PRKG1: variants seen among roughly 807,000 people sequenced by gnomAD.
PRKG1 encodes the protein cGMP-dependent protein kinase 1.
A neutral mutation model predicts 88.1 loss-of-function variants in PRKG1; 35 were observed. The ratio of observed to expected loss-of-function variants is 0.40; its 90% confidence interval spans 0.30 to 0.53. The LOEUF is 0.53. PRKG1 is among the 20% of genes least tolerant of loss of function. The probability of loss-of-function intolerance (pLI) is 0.59; values close to 1 mark genes in which losing one functional copy is unlikely to be tolerated. For synonymous variants in PRKG1, 303 were observed against 292.5 expected (o/e 1.04, Z -0.37); for missense variants, 540 against 839.8 (o/e 0.64, Z 4.41).
chr10:51,916,948 A>T (rs893747146), intron 5 of PRKG1, among the ~76,000 whole-genome samples: 5 of 152,206 alleles, frequency 3.3e-5, no homozygotes, highest in African/African-American at 1.2e-4. Context: ...CATTTACATG[A>T]AGTATATAAA....
chr10:51,079,678 T>TG (rs1844055867), intron 1 of PRKG1, among the ~76,000 whole-genome samples: 1 of 76,440 alleles, frequency 1.3e-5, no homozygotes, highest in South Asian at 5.5e-4. Context: ...CTAAGGCTCA[T>TG]TTGTGTGTGT....
chr10:51,051,249 G>C lies in PRKG1; in HGVS notation c.266+59605G>C, dbSNP rs545717567. On this transcript the variant is annotated intron_variant, in intron 1 of 17. Transcript: ENST00000401604. The stretch of plus-strand genomic sequence containing the variant: ...AAATCATTGCCAAGGCCAATGTTAA[G>C]AAGATTTTCCCCTATGCTTTCTTCT... 5.3e-5 allele frequency among the ~76,000 whole-genome samples: 8 copies of C among 152,204 alleles called. No homozygotes were observed. In the South Asian group the frequency reaches 1.5e-3, roughly 28 times the overall value.
chr10:51,944,742 A>T, intron 5 of PRKG1, among the ~76,000 whole-genome samples: 1 of 152,008 alleles, frequency 6.6e-6, no homozygotes, highest in East Asian at 1.9e-4. Flanking sequence ...CAGGTTGTTC[A>T]GTTTCCATGT....
At position 51,929,130 on chromosome 10, in the gene PRKG1, C is replaced by T. The variant is rs191405494; in HGVS notation, c.762+21560C>T. Among the ~76,000 whole-genome samples, 201 of 152,172 alleles carry T rather than the reference C, an allele frequency of 1.3e-3. 1 individual carries two copies. Among genetic ancestry groups the T allele is most frequent in the Admixed American group, 0.011 (165 of 15,274 alleles). On this transcript the variant is annotated intron_variant, in intron 5 of 17. Transcript: ENST00000373980. Reference sequence around the variant, plus strand: ...ATTAACTTGCCATTTTACTTATCTACGTTTTTGTTAATCAAATAGGACTCA... The same window carrying T: ...ATTAACTTGCCATTTTACTTATCTATGTTTTTGTTAATCAAATAGGACTCA...
At chr10:51,903,605 G>A (rs1589406487) in intron 4 of PRKG1, among the ~76,000 whole-genome samples, 1 of 151,992 alleles carries the variant, frequency 6.6e-6, no homozygotes, top group South Asian at 2.1e-4. Context: ...GGGGATAGAG[G>A]CAATCTTTAT....
chr10:52,125,145 G>T (rs1279146466), intron 7 of PRKG1, among the ~76,000 whole-genome samples: 4 of 151,934 alleles, frequency 2.6e-5, no homozygotes, highest in African/African-American at 9.7e-5. Flanking sequence ...ACTATGCAAG[G>T]TACATAATCA....
intron 2 of PRKG1, among the ~76,000 whole-genome samples, chr10:51,216,835 G>C (rs114270912): frequency 0.027 from 4,111 of 152,142 alleles, 198 homozygotes; most frequent in African/African-American, 0.094. Flanking sequence ...AGTATATTTG[G>C]TAGTAAATTG....
chr10:51,547,270 T>C (rs1346757759), intron 3 of PRKG1, among the ~76,000 whole-genome samples: 2 of 152,142 alleles, frequency 1.3e-5, no homozygotes, highest in East Asian at 3.9e-4. Context: ...AGAACTTTCA[T>C]TGATCCTATA....
At chr10:52,121,931 AG>A (rs34501351) in intron 7 of PRKG1, among the ~76,000 whole-genome samples, 25,559 of 152,120 alleles carry the variant, frequency 0.17, 2,566 homozygotes, top group South Asian at 0.28. Flanking sequence ...TCCATTCCAA[AG>A]CTACTTCCAC....
chr10:51,504,917 AC>A (rs766424978), intron 3 of PRKG1, among the ~76,000 whole-genome samples: 5 of 152,156 alleles, frequency 3.3e-5, no homozygotes, highest in Non-Finnish European at 7.3e-5. Context: ...TCATCTGCAA[AC>A]AGGGACAATT....
chr10:52,033,920 G>T (rs1346169341), intron 5 of PRKG1, among the ~76,000 whole-genome samples: 3 of 151,554 alleles, frequency 2.0e-5, no homozygotes, highest in South Asian at 2.1e-4. Context: ...GAAAATTACA[G>T]TCAAAGGGGG....
chr10:51,272,897 T>C (rs1002416200), intron 2 of PRKG1, among the ~76,000 whole-genome samples: 1 of 152,158 alleles, frequency 6.6e-6, no homozygotes, highest in African/African-American at 2.4e-5. Context: ...ACTGCAATAA[T>C]ATAATAATAC....
At position 51,152,191 on chromosome 10, in the gene PRKG1, A is replaced by G. The variant is rs185355550; in HGVS notation, c.312-973A>G. ...CTTATCCCAGCAAATAAATATCCCA[A>G]TGTTTTAAGTTCTGCTAAAACTTTC... On this transcript the variant is annotated intron_variant, in intron 1 of 17. Coordinates refer to ENST00000373980, the MANE Select transcript of PRKG1 (RefSeq NM_006258.4). Among the ~76,000 whole-genome samples, 14 of 152,172 alleles carry G rather than the reference A, an allele frequency of 9.2e-5. No homozygotes were observed. The East Asian group carries it at 2.5e-3, about 27-fold the overall frequency.
At chr10:51,220,599 T>C (rs1385987908) in intron 2 of PRKG1, among the ~76,000 whole-genome samples, 1 of 152,214 alleles carries the variant, frequency 6.6e-6, no homozygotes, top group Non-Finnish European at 1.5e-5. Flanking sequence ...TATGGAGCTA[T>C]AAATAAACAT....
intron 10 of PRKG1, among the ~76,000 whole-genome samples, chr10:52,265,639 C>T (rs1462335725): frequency 1.3e-5 from 2 of 151,992 alleles, no homozygotes; most frequent in African/African-American, 4.8e-5. Context: ...CAACCAGATA[C>T]CCTAGGTAGA....
At chr10:51,835,211 T>C (rs1392889841) in intron 4 of PRKG1, among the ~76,000 whole-genome samples, 1 of 152,190 alleles carries the variant, frequency 6.6e-6, no homozygotes, top group Non-Finnish European at 1.5e-5. Flanking sequence ...TGGCAAGTGA[T>C]CTGGCAGGTG....
intron 2 of PRKG1, among the ~76,000 whole-genome samples, chr10:51,449,030 A>G (rs999991779): frequency 2.0e-5 from 3 of 152,072 alleles, no homozygotes; most frequent in Non-Finnish European, 4.4e-5. Flanking sequence ...ATATGAATAT[A>G]GAAATCTCTA....
chr10:51,089,235 T>C (rs1158456531), intron 1 of PRKG1, among the ~76,000 whole-genome samples: 2 of 152,178 alleles, frequency 1.3e-5, no homozygotes, highest in Non-Finnish European at 1.5e-5. Flanking sequence ...TAAAATCTCA[T>C]AAATTGGTTA....
rs960390977 is a variant in PRKG1, at chr10:52,199,456, A to G, written c.1076+37493A>G. Reference sequence around the variant, plus strand: ...CTGGGTTAGAAAATTCCAAAAGGCCACTGACCACTCTCAGCATTACCCATG... The same window carrying G: ...CTGGGTTAGAAAATTCCAAAAGGCCGCTGACCACTCTCAGCATTACCCATG... On this transcript the variant is annotated intron_variant, in intron 9 of 17. Transcript: ENST00000373980. Among the ~76,000 whole-genome samples the G allele has an allele frequency of 2.1e-4, 32 of 152,294 alleles. No homozygotes were observed. The South Asian group carries it at 2.3e-3, about 11-fold the overall frequency.
Sources: gnomAD v4.1 joint callset for allele counts (sites outside exome capture counted in the v4.1 genomes callset) on GRCh38, gnomAD v4.1.1 for gene constraint, MANE v1.5 for transcripts, NCBI Gene and HGNC (gene_info 2026-07-23, HGNC 2026-07-21) for gene names.